WTIP: variants seen among roughly 807,000 people sequenced by gnomAD.
The protein encoded by WTIP is WT1 interacting protein, also known as Wilms tumor protein 1-interacting protein.
WTIP carries 23 observed loss-of-function variants against 41.7 expected under a neutral mutation model. That is an observed-to-expected ratio of 0.55 (90% CI 0.40 to 0.78). The LOEUF is 0.78. Ranked by LOEUF, WTIP falls within the 30% of genes least tolerant of loss-of-function variation. The pLI, the probability that WTIP is intolerant of heterozygous loss-of-function variation, is 0.00. For synonymous variants in WTIP, 314 were observed against 269.9 expected, an observed-to-expected ratio of 1.16 and a Z score of -1.60; for missense variants, 619 against 610.5, an observed-to-expected ratio of 1.01 and a Z score of -0.15.
rs146584817 is a variant in WTIP, at chr19:34,486,250, C to T, written c.667+3609C>T. On this transcript the variant is annotated intron_variant, in intron 1 of 7. Transcript: ENST00000590071. ...TGAGCCCATGCTTTGACCCCCTCTGCGGCCACTATACCAGGCTGGGAAGGG... is the reference window on the plus strand; with the variant it reads ...TGAGCCCATGCTTTGACCCCCTCTGTGGCCACTATACCAGGCTGGGAAGGG... Among the ~76,000 whole-genome samples, 1,040 of 152,196 alleles carry T rather than the reference C, an allele frequency of 6.8e-3. 7 individuals are homozygous for T. The highest frequency in any genetic ancestry group is 0.023 in the African/African-American group (959 of 41,492).
At chr19:34,499,762 G>GGCTCTCT (rs1384159512) in intron 7 of WTIP, among the ~76,000 whole-genome samples, 4 of 151,386 alleles carry the variant, frequency 2.6e-5, no homozygotes. Context: ...TGCAATGGCA[G>GGCTCTCT]GCTCTCTGCT....
intron 1 of WTIP, among the ~76,000 whole-genome samples, chr19:34,490,033 G>C (rs2075817682): frequency 6.6e-6 from 1 of 152,344 alleles, no homozygotes; most frequent in African/African-American, 2.4e-5. Flanking sequence ...TAACCCAGGA[G>C]TTTGAAACCA....
rs2075896705 is a variant in WTIP, at chr19:34,503,222, G to A, written c.*2953G>A. 6.6e-6 allele frequency: 1 copy of A among 152,318 alleles called. No homozygotes were observed. Among genetic ancestry groups the A allele is most frequent in the Non-Finnish European group, 1.5e-5 (1 of 68,166 alleles). The allele number at this position is 152,318 out of a possible 1,614,324, so 9.4% of individuals were successfully genotyped here. A position where few individuals can be genotyped will look rare whatever the true frequency, so the allele number is the denominator to read the frequency against. On this transcript the variant is annotated 3_prime_UTR_variant, in exon 8 of 8. Coordinates refer to ENST00000590071, the MANE Select transcript of WTIP (RefSeq NM_001080436.2). The stretch of plus-strand genomic sequence containing the variant: ...CTGCCCTTTCTTTCTGGGCCCCTGG[G>A]CCCCGCATTGCCTTCTGTCAGGGCT...
chr19:34,482,168 G>A lies in WTIP; in HGVS notation c.194G>A (p.Gly65Glu). 9.2e-7 allele frequency: 1 copy of A among 1,086,194 alleles called. No homozygotes were observed. Among genetic ancestry groups the A allele is most frequent in the South Asian group, 4.3e-5 (1 of 23,110 alleles). The allele number at this position is 1,086,194 out of a possible 1,614,324, so 67.3% of individuals were successfully genotyped here. A position where few individuals can be genotyped will look rare whatever the true frequency, so the allele number is the denominator to read the frequency against. ...GSGGPEAGAD[G>E]LSRGERGPRR... ...GGCGGCCCCGAGGCCGGGGCGGACGGACTGAGCCGCGGGGAGCGGGGTCCC... is the reference window on the plus strand; with the variant it reads ...GGCGGCCCCGAGGCCGGGGCGGACGAACTGAGCCGCGGGGAGCGGGGTCCC... The change falls in exon 1 of 8, where the codon GGA becomes GAA. Residue 65 changes from glycine (G) to glutamate (E), a missense_variant. By Grantham distance (98) the Gly-to-Glu change is moderately conservative (BLOSUM62 -2). This residue lies in a region of WTIP where 363 missense variants were observed against 309.0 expected (regional missense o/e 1.17). Coordinates refer to ENST00000590071, the MANE Select transcript of WTIP (RefSeq NM_001080436.2).
chr19:34,500,910 A>C lies in WTIP; in HGVS notation c.*641A>C, dbSNP rs1311921985. On this transcript the variant is annotated 3_prime_UTR_variant, in exon 8 of 8. Coordinates refer to ENST00000590071, the MANE Select transcript of WTIP (RefSeq NM_001080436.2). Reference sequence around the variant, plus strand: ...GACTTTGATGGGTGTTTGCGGCCCCAGTTGCCGCCCTGCTCCCTCTTCCAG... The same window carrying C: ...GACTTTGATGGGTGTTTGCGGCCCCCGTTGCCGCCCTGCTCCCTCTTCCAG... 6.6e-6 allele frequency: 1 copy of C among 152,212 alleles called. No homozygotes were observed. 9.4% of individuals were successfully genotyped at this position (152,212 alleles called of 1,614,324 possible). A position where few individuals can be genotyped will look rare whatever the true frequency, so the allele number is the denominator to read the frequency against.
In WTIP at chr19:34,482,540, C is replaced by T; in HGVS notation, c.566C>T (p.Pro189Leu). 8.1e-7 allele frequency: 1 copy of T among 1,228,736 alleles called. No individual in the cohort carries two copies. Among genetic ancestry groups the T allele is most frequent in the Non-Finnish European group, 1.0e-6 (1 of 987,016 alleles). The allele number at this position is 1,228,736 out of a possible 1,614,324, so 76.1% of individuals were successfully genotyped here. A position where few individuals can be genotyped will look rare whatever the true frequency, so the allele number is the denominator to read the frequency against. The change falls in exon 1 of 8, where the codon CCT becomes CTT. Residue 189 changes from proline to leucine, a missense_variant. Pro to Leu is a moderately conservative substitution (Grantham distance 98). Transcript: ENST00000590071. ...PFPLPALPLP[P>L]GREGGPSAAE... ...CCGCTGCCTGCACTCCCGCTGCCCC[C>T]TGGCCGGGAGGGCGGCCCAAGCGCG...
At chr19:34,483,314 G>T (rs1268641203) in intron 1 of WTIP, among the ~76,000 whole-genome samples, 1 of 151,496 alleles carries the variant, frequency 6.6e-6, no homozygotes, top group Non-Finnish European at 1.5e-5. Context: ...TTGAGCCAGT[G>T]CGCCCGGCCT....
chr19:34,492,688 C>CA (rs35065558), intron 2 of WTIP, among the ~76,000 whole-genome samples: 14,025 of 111,404 alleles, frequency 0.13, 1,587 homozygotes, highest in East Asian at 0.46. Flanking sequence ...TACTCTGTAT[C>CA]AAAAAAAAAA....
chr19:34,493,380 A>T lies in WTIP; in HGVS notation c.900+55A>T. 6.3e-7 allele frequency: 1 copy of T among 1,594,886 alleles called. No individual in the cohort carries two copies. The highest frequency in any genetic ancestry group is 8.5e-7 in the Non-Finnish European group (1 of 1,171,530). ...CCTCTGACGTGGGTGGAGTCTGAGG[A>T]CTCTACCGTCTCCCCTGCTCCAGAC... is the stretch of plus-strand genomic sequence containing the variant. On this transcript the variant is annotated intron_variant, in intron 4 of 7. Coordinates refer to ENST00000590071, the MANE Select transcript of WTIP (RefSeq NM_001080436.2). This position sits in a 1 kb window ranked among gnomAD's most constrained non-coding sequence, Gnocchi z 4.1.
At chr19:34,492,353 G>A (rs1306443265) in intron 2 of WTIP, among the ~76,000 whole-genome samples, 3 of 148,176 alleles carry the variant, frequency 2.0e-5, no homozygotes, top group African/African-American at 4.9e-5. Context: ...GGGCTCAAGC[G>A]ATGCTCCTGC....
chr19:34,485,577 C>CT (rs1468798954), intron 1 of WTIP, among the ~76,000 whole-genome samples: 1 of 151,600 alleles, frequency 6.6e-6, no homozygotes, highest in Non-Finnish European at 1.5e-5. Flanking sequence ...CAGAGTGTGG[C>CT]TTTTTTGTTT....
At chr19:34,496,104 C>T (rs754060187) in intron 7 of WTIP, among the ~76,000 whole-genome samples, 2 of 152,176 alleles carry the variant, frequency 1.3e-5, no homozygotes, top group Non-Finnish European at 2.9e-5. Context: ...TTGCAGTGAG[C>T]CGAGATTGTG....
In WTIP at chr19:34,510,681, T is replaced by C. The variant is rs1484784379; in HGVS notation, c.*10412T>C. On this transcript the variant is annotated 3_prime_UTR_variant, in exon 8 of 8. Transcript: ENST00000590071. ...AATTTTCCAATTTTTTATGCTCTGT[T>C]TCCCTTTTAAAATGGAATGTTTTTA... 2 of 152,258 alleles carry C rather than the reference T, an allele frequency of 1.3e-5. No individual in the cohort carries two copies. Among genetic ancestry groups the C allele is most frequent in the Non-Finnish European group, 2.9e-5 (2 of 68,042 alleles). 9.4% of individuals were successfully genotyped at this position (152,258 alleles called of 1,614,324 possible). A position where few individuals can be genotyped will look rare whatever the true frequency, so the allele number is the denominator to read the frequency against.
Position 34,510,428 on chromosome 19 carries a change from G to A in WTIP, c.*10159G>A, listed in dbSNP as rs2145621421. ...GAGTGGCTGGGACACAAGGCAGCAA[G>A]TCCTAGGCTGCACACAACATGGGGA... On this transcript the variant is annotated 3_prime_UTR_variant, in exon 8 of 8. Transcript: ENST00000590071. The A allele has an allele frequency of 6.6e-6, 1 of 152,436 alleles. No individual in the cohort carries two copies. Among genetic ancestry groups the A allele is most frequent in the East Asian group, 1.9e-4 (1 of 5,194 alleles). The allele number at this position is 152,436 out of a possible 1,614,324, so 9.4% of individuals were successfully genotyped here. A position where few individuals can be genotyped will look rare whatever the true frequency, so the allele number is the denominator to read the frequency against.
Position 34,502,453 on chromosome 19 carries a change from C to T in WTIP, c.*2184C>T, listed in dbSNP as rs1367143864. 6.9e-6 allele frequency: 1 copy of T among 144,174 alleles called. No homozygotes were observed. The highest frequency in any genetic ancestry group is 1.5e-5 in the Non-Finnish European group (1 of 65,950). The allele number at this position is 144,174 out of a possible 1,614,324, so 8.9% of individuals were successfully genotyped here. On this transcript the variant is annotated 3_prime_UTR_variant, in exon 8 of 8. Coordinates refer to ENST00000590071, the MANE Select transcript of WTIP (RefSeq NM_001080436.2). ...TTTTTTTTTTTTTTAAAGACAGAGT[C>T]TAGCTCTGTCGCCCAGGCTGGAGTG... is the stretch of plus-strand genomic sequence containing the variant.
rs896934885 is a variant in WTIP at position 34,493,081 on chromosome 19, G to T, written c.814G>T (p.Val272Leu). 6.2e-7 allele frequency: 1 copy of T among 1,613,958 alleles called. No homozygotes were observed. Among genetic ancestry groups the T allele is most frequent in the Non-Finnish European group, 8.5e-7 (1 of 1,179,870 alleles). The change falls in exon 3 of 8, where the codon GTG becomes TTG. Residue 272 changes from valine (V) to leucine (L), a missense_variant. Val to Leu is a conservative substitution (Grantham distance 32, BLOSUM62 1). This residue lies in a region of WTIP where 164 missense variants were observed against 219.1 expected (regional missense o/e 0.75). Coordinates refer to ENST00000590071, the MANE Select transcript of WTIP (RefSeq NM_001080436.2). This position sits in a 1 kb window ranked among gnomAD's most constrained non-coding sequence, Gnocchi z 4.1. ...GKAFYNVGEK[V>L]YCQEDFLYSG... is the part of the protein sequence containing the mutation. ...GGCGTTCTACAACGTGGGTGAGAAA[G>T]TGTACTGCCAGGAGGACTTCCTGGT...
chr19:34,495,635 G>A (rs1599959694), intron 6 of WTIP, 68 bp from the exon 7 acceptor site: 1 of 1,558,428 alleles, frequency 6.4e-7, no homozygotes, highest in East Asian at 2.3e-5. Flanking sequence ...GTGTGGGAGT[G>A]TACACTCACG....
At chr19:34,489,563 G>A (rs1360459422) in intron 1 of WTIP, among the ~76,000 whole-genome samples, 1 of 152,162 alleles carries the variant, frequency 6.6e-6, no homozygotes, top group Admixed American at 6.5e-5. Context: ...AACAGGATTT[G>A]GTTCACAAAC....
In WTIP at chr19:34,500,117, GT is replaced by G. The variant is rs760445105; in HGVS notation, c.1153-10del. The G allele has an allele frequency of 6.3e-7, 1 of 1,598,756 alleles. No homozygotes were observed. Among genetic ancestry groups the G allele is most frequent in the South Asian group, 1.1e-5 (1 of 90,792 alleles). ...TGCTGACTCTGGGGCTGGGGGCTGT[GT>G]TCTTCCCTAGGACTGCGGGCTGCAG... On this transcript the variant is annotated splice_polypyrimidine_tract_variant and intron_variant, in intron 7 of 7. Transcript: ENST00000590071.
Sources: gnomAD v4.1 joint callset for allele counts (sites outside exome capture counted in the v4.1 genomes callset) on GRCh38, gnomAD v4.1.1 for gene constraint, gnomAD v4.1.1 regional missense constraint, Gnocchi (gnomAD v3.1) non-coding constraint, MANE v1.5 for transcripts, NCBI Gene and HGNC (gene_info 2026-07-23, HGNC 2026-07-21) for gene names.